ATXN1: variants seen among roughly 807,000 people sequenced by gnomAD.
The protein encoded by ATXN1 is ataxin 1.
Under a neutral mutation model 56.4 loss-of-function variants are expected in ATXN1, and 8 were observed. That is an observed-to-expected ratio of 0.14 (90% CI 0.08 to 0.26). ATXN1 has a LOEUF of 0.26. Among genes scored for constraint, ATXN1 ranks in the 10% least tolerant of loss-of-function variants. ATXN1 has a pLI of 1.00. For missense variants in ATXN1, 987 were observed against 1,106.5 expected (o/e 0.89, Z 1.53); for synonymous variants, 514 against 494.6 (o/e 1.04, Z -0.52).
intron 3 of ATXN1, among the ~76,000 whole-genome samples, chr6:16,645,502 G>C (rs1168603348): frequency 2.0e-5 from 3 of 152,174 alleles, no homozygotes; most frequent in Non-Finnish European, 1.5e-5. Context: ...ATACTTAGTG[G>C]AGACTGGAAA....
At chr6:16,640,885 C>G (rs1763696111) in intron 3 of ATXN1, among the ~76,000 whole-genome samples, 2 of 152,120 alleles carry the variant, frequency 1.3e-5, no homozygotes, top group African/African-American at 4.8e-5. Flanking sequence ...GAAGGGTTAG[C>G]CAAGCTGTGA....
intron 5 of ATXN1, among the ~76,000 whole-genome samples, chr6:16,520,760 A>T (rs1405661743): frequency 6.6e-6 from 1 of 152,210 alleles, no homozygotes; most frequent in East Asian, 1.9e-4. Context: ...AAACCTTCAC[A>T]GTTCTAATGA....
chr6:16,626,895 GAGA>G (rs1301023895), intron 3 of ATXN1, among the ~76,000 whole-genome samples: 1 of 152,190 alleles, frequency 6.6e-6, no homozygotes, highest in African/African-American at 2.4e-5. Context: ...GCAAGCCAAG[GAGA>G]AGGACTTCAG....
chr6:16,751,610 G>GCATC (rs1760721471), intron 2 of ATXN1, among the ~76,000 whole-genome samples: 1 of 150,890 alleles, frequency 6.6e-6, no homozygotes, highest in Non-Finnish European at 1.5e-5. Context: ...AACCACACAT[G>GCATC]CATCCCATCA....
chr6:16,640,152 G>A (rs759215842), intron 3 of ATXN1, among the ~76,000 whole-genome samples: 1 of 152,090 alleles, frequency 6.6e-6, no homozygotes, highest in African/African-American at 2.4e-5. Flanking sequence ...CTCATGTTGA[G>A]CCTCTGCCAC....
intron 3 of ATXN1, among the ~76,000 whole-genome samples, chr6:16,629,505 T>A (rs996426779): frequency 1.3e-5 from 2 of 152,070 alleles, no homozygotes; most frequent in Non-Finnish European, 2.9e-5. Flanking sequence ...TGTTTTTGTA[T>A]TTTTTAGTAG....
chr6:16,361,819 T>C (rs1029232598), intron 6 of ATXN1, among the ~76,000 whole-genome samples: 12 of 152,242 alleles, frequency 7.9e-5, no homozygotes, highest in African/African-American at 2.7e-4. Flanking sequence ...GAGGCCAGCC[T>C]TGACTGAGGG....
chr6:16,531,623 CA>C (rs5874561), intron 4 of ATXN1, among the ~76,000 whole-genome samples: 30,163 of 102,514 alleles, frequency 0.29, 3,459 homozygotes, highest in East Asian at 0.56. Context: ...AACTGTGTCT[CA>C]AAAAAAAAAA....
At chr6:16,616,550 TATA>T (rs1763212545) in intron 3 of ATXN1, among the ~76,000 whole-genome samples, 1 of 146,174 alleles carries the variant, frequency 6.8e-6, no homozygotes, top group African/African-American at 2.5e-5. Context: ...AAAAAATATA[TATA>T]ATATATTTTA....
intron 2 of ATXN1, among the ~76,000 whole-genome samples, chr6:16,671,225 T>C (rs1301570223): frequency 3.3e-5 from 5 of 152,078 alleles, no homozygotes; most frequent in South Asian, 2.1e-4. Flanking sequence ...TAATAAGAAG[T>C]ATCTGCTATG....
chr6:16,453,702 A>T (rs140363104), intron 6 of ATXN1, among the ~76,000 whole-genome samples: 3 of 152,344 alleles, frequency 2.0e-5, no homozygotes, highest in African/African-American at 7.2e-5. Context: ...CAGGTTGTGC[A>T]TATGTCACTT....
intron 6 of ATXN1, among the ~76,000 whole-genome samples, chr6:16,418,637 C>T (rs1758965776): frequency 6.6e-6 from 1 of 150,934 alleles, no homozygotes; most frequent in African/African-American, 2.4e-5. Flanking sequence ...ATACATGTGC[C>T]ATGCTGGTGT....
At chr6:16,649,065 C>T (rs774124617) in intron 3 of ATXN1, among the ~76,000 whole-genome samples, 1 of 151,996 alleles carries the variant, frequency 6.6e-6, no homozygotes. Context: ...ACACACTAGC[C>T]TTCATAAAAT....
At chr6:16,316,865 C>CTTTTTTTTTTTTTTTTTTTTTTTTTTT (rs375359789) in intron 7 of ATXN1, among the ~76,000 whole-genome samples, 1 of 99,500 alleles carries the variant, frequency 1.0e-5, no homozygotes, top group Non-Finnish European at 1.8e-5. Context: ...GACTGCCTGT[C>CTTTTTTTTTTTTTTTTTTTTTTTTTTT]TTTTTTTTTT....
Position 16,646,345 on chromosome 6 carries a change from G to GA in ATXN1, c.-489+11430dup, listed in dbSNP as rs562631480. ...CCTTCAGTGGCTCTCCGCCACTTAA[G>GA]AAAAAATGGAATTAATCCCATTTTC... On this transcript the variant is annotated intron_variant, in intron 3 of 7. Transcript: ENST00000436367. Among the ~76,000 whole-genome samples the GA allele has an allele frequency of 1.1e-4, 17 of 152,228 alleles. 1 individual carries two copies. In the East Asian group the frequency reaches 1.7e-3, roughly 16 times the overall value.
intron 4 of ATXN1, among the ~76,000 whole-genome samples, chr6:16,537,599 G>A (rs1022928895): frequency 1.3e-5 from 2 of 151,852 alleles, no homozygotes; most frequent in African/African-American, 2.4e-5. Context: ...CCTGCTAGTC[G>A]GCAGGCTGGG....
At chr6:16,535,672 C>T (rs1007476799) in intron 4 of ATXN1, among the ~76,000 whole-genome samples, 2 of 152,154 alleles carry the variant, frequency 1.3e-5, no homozygotes, top group Non-Finnish European at 2.9e-5. Context: ...AGCGTAACTG[C>T]CCACCCCTTA....
intron 3 of ATXN1, among the ~76,000 whole-genome samples, chr6:16,634,979 C>A (rs976555782): frequency 6.6e-6 from 1 of 152,106 alleles, no homozygotes; most frequent in African/African-American, 2.4e-5. Context: ...GCAGGGGTTC[C>A]CAACCCCTGG....
intron 3 of ATXN1, among the ~76,000 whole-genome samples, chr6:16,606,744 G>A (rs1329742293): frequency 1.3e-5 from 2 of 151,802 alleles, no homozygotes; most frequent in Middle Eastern, 3.4e-3. Flanking sequence ...TAGCCAGGAC[G>A]GTCTTGATCT....
Sources: allele counts gnomAD v4.1 joint callset (sites outside exome capture counted in the v4.1 genomes callset), GRCh38; gene constraint gnomAD v4.1.1; transcripts MANE v1.5; gene names NCBI Gene and HGNC (gene_info 2026-07-23, HGNC 2026-07-21).